The following DCBLD2 variants were observed in gnomAD, a reference collection of about 807,000 sequenced individuals.
DCBLD2 encodes the protein discoidin, CUB and LCCL domain containing 2.
DCBLD2 carries 54 observed loss-of-function variants against 86.8 expected under a neutral mutation model. That is an observed-to-expected ratio of 0.62 (90% confidence interval 0.50 to 0.78). The LOEUF (loss-of-function observed/expected upper bound fraction) is 0.78, where lower values mean the gene tolerates loss of function less well. Among genes scored for constraint, DCBLD2 ranks in the 30% least tolerant of loss-of-function variants. The pLI is 0.00. For synonymous variants in DCBLD2, 354 were observed against 341.3 expected, an observed-to-expected ratio of 1.04 and a Z score of -0.41; for missense variants, 908 against 954.2, an observed-to-expected ratio of 0.95 and a Z score of 0.64.
At chr3:98,877,044 G>A (rs1943384996) in intron 2 of DCBLD2, among the ~76,000 whole-genome samples, 1 of 152,150 alleles carries the variant, frequency 6.6e-6, no homozygotes, top group African/African-American at 2.4e-5. Context: ...GGGAGTGAGT[G>A]GAGATGGGGT....
chr3:98,858,343 G>A (rs541615798), intron 2 of DCBLD2, among the ~76,000 whole-genome samples: 279 of 152,326 alleles, frequency 1.8e-3, no homozygotes, highest in Non-Finnish European at 3.3e-3. Flanking sequence ...AGCCGGCTCC[G>A]GCCTTGGCCA....
At chr3:98,828,103 T>C (rs1404594972) in intron 3 of DCBLD2, among the ~76,000 whole-genome samples, 1 of 152,136 alleles carries the variant, frequency 6.6e-6, no homozygotes, top group Non-Finnish European at 1.5e-5. Flanking sequence ...GCTGAAACTA[T>C]AAAACTTTTA....
intron 8 of DCBLD2, among the ~76,000 whole-genome samples, chr3:98,818,900 C>T (rs574489983): frequency 1.3e-5 from 2 of 152,252 alleles, no homozygotes; most frequent in East Asian, 3.9e-4. Flanking sequence ...TTGCAGATGG[C>T]CTACTGTGGG....
intron 2 of DCBLD2, among the ~76,000 whole-genome samples, chr3:98,867,798 T>C (rs922087047): frequency 6.7e-6 from 1 of 150,370 alleles, no homozygotes; most frequent in Non-Finnish European, 1.5e-5. Flanking sequence ...TTTGTTTTTG[T>C]TGTTTTTTGT....
At chr3:98,858,085 A>G (rs900510376) in intron 2 of DCBLD2, among the ~76,000 whole-genome samples, 1 of 152,204 alleles carries the variant, frequency 6.6e-6, no homozygotes, top group Non-Finnish European at 1.5e-5. Context: ...AGGCTCAGGC[A>G]TGGCGGGCTG....
At position 98,797,692 on chromosome 3, in the gene DCBLD2, A is replaced by G. The variant is rs1941637668; in HGVS notation, c.*1680T>C. The G allele has an allele frequency of 6.6e-6, 1 of 152,230 alleles. No individual in the cohort carries two copies. The allele number at this position is 152,230 out of a possible 1,614,324, so 9.4% of individuals were successfully genotyped here. A position where few individuals can be genotyped will look rare whatever the true frequency, so the allele number is the denominator to read the frequency against. ...AAATAAGGCCAAAAAACCATACCAC[A>G]AAAGGACAGGAAGCCTGCAGAAATA... On this transcript the variant is annotated 3_prime_UTR_variant, in exon 16 of 16. Coordinates refer to ENST00000326840, the MANE Select transcript of DCBLD2 (RefSeq NM_080927.4).
In DCBLD2 at chr3:98,901,229, G is replaced by C. The variant is rs1182227274; in HGVS notation, c.98C>G (p.Ser33Cys). 9.1e-6 allele frequency: 14 copies of C among 1,534,968 alleles called. No individual in the cohort carries two copies. The highest frequency in any genetic ancestry group is 1.2e-5 in the Non-Finnish European group (14 of 1,146,572). Residue 33 changes from serine to cysteine, a missense_variant, in exon 1 of 16, where the codon TCC (serine) becomes TGC (cysteine). This residue lies in a region of DCBLD2 where 294 missense variants were observed against 256.0 expected (regional missense o/e 1.15). Transcript: ENST00000326840. ...AAPAWAALPL[S>C]RSLPPCSNSS... Reference sequence around the variant, plus strand: ...GTTGGAGCAGGGAGGGAGGGAGCGGGAGAGGGGGAGCGCGGCCCAGGCGGG... The same window carrying C: ...GTTGGAGCAGGGAGGGAGGGAGCGGCAGAGGGGGAGCGCGGCCCAGGCGGG...
chr3:98,797,036 T>TAAAAAAAAAAAAAAAAAA lies in DCBLD2; in HGVS notation c.*2318_*2335dup, dbSNP rs56369137. On this transcript the variant is annotated 3_prime_UTR_variant, in exon 16 of 16. Transcript: ENST00000326840. ...ATATGTATCAGACATATAAATGTAG[T>TAAAAAAAAAAAAAAAAAA]AAAAAAAAAAAAAAAAAAAATAGAA... 7.5e-6 allele frequency: 1 copy of TAAAAAAAAAAAAAAAAAA among 133,388 alleles called. No individual in the cohort carries two copies. Among genetic ancestry groups the TAAAAAAAAAAAAAAAAAA allele is most frequent in the Non-Finnish European group, 1.6e-5 (1 of 62,670 alleles). The allele number at this position is 133,388 out of a possible 1,614,324, so 8.3% of individuals were successfully genotyped here.
chr3:98,863,502 G>C (rs1054197213), intron 2 of DCBLD2, among the ~76,000 whole-genome samples: 1 of 152,024 alleles, frequency 6.6e-6, no homozygotes, highest in Non-Finnish European at 1.5e-5. Flanking sequence ...ATGGTACTGG[G>C]ACCAAAACAG....
intron 1 of DCBLD2, among the ~76,000 whole-genome samples, chr3:98,899,333 C>T (rs1295574835): frequency 6.7e-6 from 1 of 149,908 alleles, no homozygotes; most frequent in Non-Finnish European, 1.5e-5. Context: ...ATCGCTGCAA[C>T]CTCCGCCTCC....
chr3:98,896,415 T>G (rs1245125188), intron 1 of DCBLD2, among the ~76,000 whole-genome samples: 1 of 152,212 alleles, frequency 6.6e-6, no homozygotes, highest in Non-Finnish European at 1.5e-5. Context: ...CTCTGAACAA[T>G]ACAGTAATTA....
intron 2 of DCBLD2, among the ~76,000 whole-genome samples, chr3:98,858,840 C>A (rs950260279): frequency 6.6e-6 from 1 of 152,172 alleles, no homozygotes; most frequent in African/African-American, 2.4e-5. Context: ...TCCAAGATGG[C>A]CGAATAGGAA....
intron 3 of DCBLD2, among the ~76,000 whole-genome samples, chr3:98,840,355 T>C (rs1942597709): frequency 6.6e-6 from 1 of 152,210 alleles, no homozygotes; most frequent in African/African-American, 2.4e-5. Flanking sequence ...CTAAAATTTC[T>C]GGACTGAGCA....
chr3:98,844,034 G>GCACACACA (rs10574415), intron 3 of DCBLD2, among the ~76,000 whole-genome samples: 6,426 of 145,566 alleles, frequency 0.044, 157 homozygotes, highest in Middle Eastern at 0.063. Flanking sequence ...AATCATGCAT[G>GCACACACA]CACACACACA....
At chr3:98,866,039 T>G (rs1323937674) in intron 2 of DCBLD2, among the ~76,000 whole-genome samples, 1 of 152,142 alleles carries the variant, frequency 6.6e-6, no homozygotes, top group Non-Finnish European at 1.5e-5. Flanking sequence ...GGACATGAAC[T>G]CATCATTTTT....
chr3:98,884,498 T>C (rs905314739), intron 1 of DCBLD2, among the ~76,000 whole-genome samples: 6 of 151,264 alleles, frequency 4.0e-5, no homozygotes, highest in Non-Finnish European at 8.8e-5. Flanking sequence ...CATAGGGATA[T>C]AAAAAAATCT....
chr3:98,800,466 A>G, intron 15 of DCBLD2, 113 bp downstream of exon 15: 1 of 1,222,034 alleles, frequency 8.2e-7, no homozygotes, highest in South Asian at 1.8e-5. Flanking sequence ...TTAGGAAACA[A>G]TTCATTTCTT....
chr3:98,849,473 T>C lies in DCBLD2; in HGVS notation c.559A>G (p.Ile187Val), dbSNP rs1336491598. The C allele has an allele frequency of 1.6e-5, 26 of 1,613,848 alleles. No individual in the cohort carries two copies. Among genetic ancestry groups the C allele is most frequent in the Non-Finnish European group, 2.0e-5 (24 of 1,179,876 alleles). Residue 187 changes from isoleucine to valine, a missense_variant, in exon 3 of 16, where the codon ATA (isoleucine) becomes GTA (valine). By Grantham distance (29) the Ile-to-Val change is conservative (BLOSUM62 3). Coordinates refer to ENST00000326840, the MANE Select transcript of DCBLD2 (RefSeq NM_080927.4). The stretch of plus-strand genomic sequence containing the variant: ...AGGTGAAAATTACCTTGTTTATCTA[T>C]AACAGAGTATGAGGCCAAAAATCCG... ...GRGFLASYSV[I>V]DKQDLITCLD...
chr3:98,809,159 G>C (rs560830226), intron 12 of DCBLD2, among the ~76,000 whole-genome samples: 9 of 152,244 alleles, frequency 5.9e-5, no homozygotes, highest in Non-Finnish European at 7.4e-5. Context: ...TTTCACTCCA[G>C]AGATAAGGAA....
Sources: gnomAD v4.1 joint callset for allele counts (sites outside exome capture counted in the v4.1 genomes callset) on GRCh38, gnomAD v4.1.1 for gene constraint, gnomAD v4.1.1 regional missense constraint, MANE v1.5 for transcripts, NCBI Gene and HGNC (gene_info 2026-07-23, HGNC 2026-07-21) for gene names.